The following KDM1A variants were observed in gnomAD, a reference collection of about 807,000 sequenced individuals.
KDM1A encodes lysine demethylase 1A, also known as lysine-specific histone demethylase 1A.
Under a neutral mutation model 109.4 loss-of-function variants are expected in KDM1A, and 49 were observed. The observed-to-expected ratio is 0.45, with a 90% CI of 0.36 to 0.57. KDM1A has a LOEUF of 0.57. Among genes scored for constraint, KDM1A ranks in the 20% least tolerant of loss-of-function variants. The pLI is 0.00. For synonymous variants in KDM1A, 380 were observed against 415.4 expected (o/e 0.91, Z 1.04); for missense variants, 668 against 1,116.6 (o/e 0.60, Z 5.73).
At chr1:23,083,027 TG>T (rs1643667109) in intron 20 of KDM1A, 151 bp from the exon 21 acceptor site, 1 of 653,828 alleles carries the variant, frequency 1.5e-6, no homozygotes, top group South Asian at 2.1e-5. Flanking sequence ...AAGTGCCTAC[TG>T]ATAAGGGAGA....
Position 23,019,909 on chromosome 1 carries a change from C to A in KDM1A, c.313C>A (p.Pro105Thr). 1.3e-6 allele frequency: 2 copies of A among 1,573,268 alleles called. No individual in the cohort carries two copies. Among genetic ancestry groups the A allele is most frequent in the East Asian group, 2.6e-5 (1 of 39,184 alleles). ...CATGGAAACTGGAATAGCAGAGACT[C>A]CGGAGGGGCGTCGGACCAGCCGGCG... is the stretch of plus-strand genomic sequence containing the variant. ...TPMETGIAET[P>T]EGRRTSRRKR... Residue 105 changes from proline (P) to threonine (T), a missense_variant, in exon 1 of 21, where the codon CCG becomes ACG. By Grantham distance (38) the Pro-to-Thr change is conservative. Coordinates refer to ENST00000400181, the MANE Select transcript of KDM1A (RefSeq NM_001009999.3).
intron 9 of KDM1A, among the ~76,000 whole-genome samples, chr1:23,059,845 C>T (rs1463681745): frequency 3.9e-5 from 6 of 152,150 alleles, no homozygotes; most frequent in African/African-American, 1.4e-4. Flanking sequence ...TGAGAGCCCA[C>T]ACTTCTCAGG....
At chr1:23,042,440 A>ATTATTTTT (rs1553127465) in intron 2 of KDM1A, among the ~76,000 whole-genome samples, 15 of 21,558 alleles carry the variant, frequency 7.0e-4, no homozygotes, top group Admixed American at 1.8e-3. Flanking sequence ...GAAATATATT[A>ATTATTTTT]TTTTTTTTTT....
intron 4 of KDM1A, among the ~76,000 whole-genome samples, chr1:23,051,992 CTG>C (rs1229491360): frequency 1.3e-5 from 2 of 152,124 alleles, no homozygotes; most frequent in African/African-American, 4.8e-5. Flanking sequence ...GAATCAGTTT[CTG>C]TGTATAGCAT....
At chr1:23,029,097 C>T (rs1202140984) in intron 1 of KDM1A, among the ~76,000 whole-genome samples, 2 of 151,986 alleles carry the variant, frequency 1.3e-5, no homozygotes, top group African/African-American at 4.8e-5. Flanking sequence ...GCAACCAGTC[C>T]CCCGCCCCCA....
intron 2 of KDM1A, among the ~76,000 whole-genome samples, chr1:23,038,691 A>G (rs686663): frequency 0.81 from 123,358 of 152,174 alleles, 50,407 homozygotes; most frequent in Non-Finnish European, 0.83. Flanking sequence ...TCTTTTGATA[A>G]GATCCTTGCT....
At chr1:23,077,127 G>C (rs933340307) in intron 15 of KDM1A, 101 bp from the exon 16 acceptor site, 31 of 1,140,050 alleles carry the variant, frequency 2.7e-5, no homozygotes, top group Non-Finnish European at 3.6e-5. Context: ...AATATTGACT[G>C]TTTCCACAAG....
chr1:23,071,187 G>C, intron 12 of KDM1A, 38 bp from the exon 13 acceptor site: 3 of 1,558,886 alleles, frequency 1.9e-6, no homozygotes, highest in Non-Finnish European at 1.7e-6. Context: ...AAACTACATT[G>C]CTATCTGGAA....
chr1:23,075,440 G>A (rs910751716), intron 15 of KDM1A, among the ~76,000 whole-genome samples: 45 of 151,498 alleles, frequency 3.0e-4, no homozygotes, highest in African/African-American at 7.0e-4. Context: ...GCATGGTGGC[G>A]GGCACCTGTA....
chr1:23,066,020 A>G, intron 9 of KDM1A, 40 bp from the exon 10 acceptor site: 1 of 1,605,714 alleles, frequency 6.2e-7, no homozygotes, highest in Non-Finnish European at 8.5e-7. Context: ...TTGGGCTGTT[A>G]TTTACAGTTT....
intron 14 of KDM1A, among the ~76,000 whole-genome samples, chr1:23,072,505 T>G (rs1271768175): frequency 6.6e-6 from 1 of 152,226 alleles, no homozygotes; most frequent in Non-Finnish European, 1.5e-5. Context: ...TGCTGTTGCT[T>G]TACACTTCCA....
At chr1:23,029,481 T>C (rs144235067) in intron 1 of KDM1A, among the ~76,000 whole-genome samples, 40 of 152,278 alleles carry the variant, frequency 2.6e-4, no homozygotes, top group African/African-American at 9.4e-4. Flanking sequence ...ATAATAATCT[T>C]CCCTGTCTTA....
intron 1 of KDM1A, among the ~76,000 whole-genome samples, chr1:23,030,138 A>G (rs1641938442): frequency 6.6e-6 from 1 of 152,184 alleles, no homozygotes; most frequent in African/African-American, 2.4e-5. Flanking sequence ...GGGTCATTTT[A>G]TTCTTTTGTT....
intron 20 of KDM1A, 166 bp from the exon 21 acceptor site, chr1:23,083,012 TG>T: frequency 1.7e-6 from 1 of 601,694 alleles, no homozygotes; most frequent in Non-Finnish European, 2.9e-6. Flanking sequence ...TTGTCAATTC[TG>T]GGAAAGTGCC....
At chr1:23,074,196 T>G (rs1052586757) in intron 15 of KDM1A, among the ~76,000 whole-genome samples, 1 of 152,198 alleles carries the variant, frequency 6.6e-6, no homozygotes, top group Non-Finnish European at 1.5e-5. Flanking sequence ...TGACTAGTGA[T>G]GTAGAGCAAC....
At chr1:23,032,938 C>T (rs1642031726) in intron 2 of KDM1A, among the ~76,000 whole-genome samples, 1 of 152,318 alleles carries the variant, frequency 6.6e-6, no homozygotes, top group Non-Finnish European at 1.5e-5. Context: ...CTCGCTCTGT[C>T]GCCCAGGCTG....
At position 23,083,521 on chromosome 1, in the gene KDM1A, C is replaced by A. The variant is rs1643682743; in HGVS notation, c.*157C>A. 2 of 640,166 alleles carry A rather than the reference C, an allele frequency of 3.1e-6. No individual in the cohort carries two copies. The highest frequency in any genetic ancestry group is 5.6e-5 in the East Asian group (2 of 35,964). The allele number at this position is 640,166 out of a possible 1,614,324, so 39.7% of individuals were successfully genotyped here. Reference sequence around the variant, plus strand: ...CTGATTTGACAAAGGAGCTTGCCTCCTTTGAATGACCTAGAGCACAGGGAG... The same window carrying A: ...CTGATTTGACAAAGGAGCTTGCCTCATTTGAATGACCTAGAGCACAGGGAG... On this transcript the variant is annotated 3_prime_UTR_variant, in exon 21 of 21. Coordinates refer to ENST00000400181, the MANE Select transcript of KDM1A (RefSeq NM_001009999.3).
chr1:23,074,422 TC>T (rs1266072965), intron 15 of KDM1A, among the ~76,000 whole-genome samples: 5 of 152,224 alleles, frequency 3.3e-5, no homozygotes, highest in Non-Finnish European at 7.3e-5. Flanking sequence ...TAAATCTGTC[TC>T]AAAGAGTAAA....
intron 9 of KDM1A, among the ~76,000 whole-genome samples, chr1:23,064,094 G>GCC (rs916143777): frequency 1.3e-5 from 2 of 152,132 alleles, no homozygotes; most frequent in African/African-American, 4.8e-5. Flanking sequence ...TCACTATATT[G>GCC]CCCAGGCTGG....
Sources: gnomAD v4.1 joint callset for allele counts (sites outside exome capture counted in the v4.1 genomes callset) on GRCh38, gnomAD v4.1.1 for gene constraint, MANE v1.5 for transcripts, NCBI Gene and HGNC (gene_info 2026-07-23, HGNC 2026-07-21) for gene names.